MYO5B: variants seen among roughly 807,000 people sequenced by gnomAD.
MYO5B encodes myosin VB, also known as unconventional myosin-Vb.
A neutral mutation model predicts 229.3 loss-of-function variants in MYO5B; 143 were observed. The observed-to-expected ratio is 0.62, with a 90% CI of 0.54 to 0.72. MYO5B has a LOEUF of 0.72. MYO5B is among the 30% of genes least tolerant of loss of function. MYO5B has a pLI of 0.00. For synonymous variants in MYO5B, 918 were observed against 885.2 expected (o/e 1.04, Z -0.66); for missense variants, 2,321 against 2,331.0 (o/e 1.00, Z 0.09).
intron 27 of MYO5B, among the ~76,000 whole-genome samples, chr18:49,865,637 C>T (rs2024387292): frequency 6.6e-6 from 1 of 152,144 alleles, no homozygotes; most frequent in East Asian, 1.9e-4. Context: ...ACCTTAGCCT[C>T]CTCAGGTGTG....
chr18:49,917,803 A>C (rs1214718142), intron 17 of MYO5B, among the ~76,000 whole-genome samples: 2 of 152,138 alleles, frequency 1.3e-5, no homozygotes, highest in Non-Finnish European at 2.9e-5. Context: ...TCTGGACTTC[A>C]GTGGTGTGCT....
At chr18:50,077,375 G>C (rs2031108717) in intron 1 of MYO5B, among the ~76,000 whole-genome samples, 1 of 151,936 alleles carries the variant, frequency 6.6e-6, no homozygotes, top group Non-Finnish European at 1.5e-5. Context: ...TTACAACTCG[G>C]AAGTCCCTTT....
chr18:50,061,131 A>G (rs567786123), intron 1 of MYO5B, among the ~76,000 whole-genome samples: 1 of 152,326 alleles, frequency 6.6e-6, no homozygotes, highest in South Asian at 2.1e-4. Context: ...TTATCCATAT[A>G]TATGAATTAT....
At chr18:50,075,383 T>C (rs902722086) in intron 1 of MYO5B, among the ~76,000 whole-genome samples, 1 of 152,198 alleles carries the variant, frequency 6.6e-6, no homozygotes, top group Admixed American at 6.5e-5. Flanking sequence ...GAGTATACCA[T>C]GAATTCCATG....
chr18:50,087,584 A>C (rs2031358403), intron 1 of MYO5B, among the ~76,000 whole-genome samples: 1 of 151,842 alleles, frequency 6.6e-6, no homozygotes. Flanking sequence ...AAAAAAAAAA[A>C]AAAAAGAATA....
intron 1 of MYO5B, among the ~76,000 whole-genome samples, chr18:50,110,337 A>G (rs1036914349): frequency 6.6e-6 from 1 of 152,146 alleles, no homozygotes; most frequent in African/African-American, 2.4e-5. Flanking sequence ...ACCATGAGAT[A>G]AGCTCTCTGT....
chr18:50,148,393 T>A (rs1186713044), intron 1 of MYO5B, among the ~76,000 whole-genome samples: 1 of 151,496 alleles, frequency 6.6e-6, no homozygotes, highest in East Asian at 1.9e-4. Flanking sequence ...AAAGAGAATT[T>A]TAGACCAATA....
intron 14 of MYO5B, among the ~76,000 whole-genome samples, chr18:49,942,455 A>C (rs943104777): frequency 1.7e-4 from 26 of 150,186 alleles, no homozygotes; most frequent in Admixed American, 6.6e-4. Context: ...AAATTTTTGC[A>C]ATCTACTCAT....
Position 49,826,174 on chromosome 18 carries a change from T to G in MYO5B, c.*297A>C, listed in dbSNP as rs770108214. On this transcript the variant is annotated 3_prime_UTR_variant, in exon 40 of 40. Coordinates refer to ENST00000285039, the MANE Select transcript of MYO5B (RefSeq NM_001080467.3). ...AACTAGGCAGCTTCGTTTTATAGAA[T>G]TGACACCTTTTATATGTCTATGGGG... 7.7e-6 allele frequency: 3 copies of G among 388,528 alleles called. No homozygotes were observed. Among genetic ancestry groups the G allele is most frequent in the East Asian group, 5.6e-5 (1 of 17,722 alleles). The allele number at this position is 388,528 out of a possible 1,614,324, so 24.1% of individuals were successfully genotyped here.
rs112386199 is a variant in MYO5B at position 50,111,841 on chromosome 18, C to A, written c.28-56463G>T. On this transcript the variant is annotated intron_variant, in intron 1 of 39. Transcript: ENST00000285039. ...TTCTGAAGACTCTGCCTCTTATCAA[C>A]TCATCCCCTCTTCCTATAAGGCACC... 9.9e-3 allele frequency among the ~76,000 whole-genome samples: 1,510 copies of A among 152,320 alleles called. 28 individuals carry two copies. The highest frequency in any genetic ancestry group is 0.034 in the African/African-American group (1,395 of 41,552).
Position 49,863,347 on chromosome 18 carries a change from A to C in MYO5B, c.3844-20T>G. On this transcript the variant is annotated intron_variant, in intron 28 of 39. Coordinates refer to ENST00000285039, the MANE Select transcript of MYO5B (RefSeq NM_001080467.3). The stretch of plus-strand genomic sequence containing the variant: ...CGGCTCCTAGAAAGCCCCAGATAAA[A>C]AAATAACTCTGGTTAAACAATTGCC... 1.2e-6 allele frequency: 2 copies of C among 1,606,404 alleles called. No individual in the cohort carries two copies. The highest frequency in any genetic ancestry group is 1.7e-6 in the Non-Finnish European group (2 of 1,173,498).
chr18:49,901,345 T>C (rs1244436270), intron 21 of MYO5B, among the ~76,000 whole-genome samples: 1 of 152,218 alleles, frequency 6.6e-6, no homozygotes, highest in East Asian at 1.9e-4. Flanking sequence ...GCCTCGTCTA[T>C]TCCATTAGAC....
intron 27 of MYO5B, among the ~76,000 whole-genome samples, chr18:49,867,376 C>T (rs550667876): frequency 1.4e-4 from 22 of 152,128 alleles, no homozygotes; most frequent in Admixed American, 9.8e-4. Flanking sequence ...GTCCCCACGG[C>T]GCAGTGAGCA....
intron 14 of MYO5B, among the ~76,000 whole-genome samples, chr18:49,941,437 G>C (rs972937753): frequency 6.6e-6 from 1 of 152,146 alleles, no homozygotes; most frequent in Non-Finnish European, 1.5e-5. Context: ...TCAAATCCCT[G>C]CTTGAGGGCA....
chr18:50,015,510 C>T (rs2026206865), intron 4 of MYO5B, among the ~76,000 whole-genome samples: 1 of 152,104 alleles, frequency 6.6e-6, no homozygotes, highest in Non-Finnish European at 1.5e-5. Flanking sequence ...TGTAAAATCC[C>T]AAAAGGTGAA....
chr18:50,006,805 T>G (rs1362764337), intron 4 of MYO5B, among the ~76,000 whole-genome samples: 1 of 152,188 alleles, frequency 6.6e-6, no homozygotes, highest in African/African-American at 2.4e-5. Context: ...AGGAGAGGCC[T>G]GCTGATCAGC....
At chr18:49,910,592 G>A (rs1234185728) in intron 18 of MYO5B, among the ~76,000 whole-genome samples, 1 of 151,824 alleles carries the variant, frequency 6.6e-6, no homozygotes, top group Non-Finnish European at 1.5e-5. Context: ...AGATGGCATG[G>A]CAAGGTGGGC....
At chr18:50,011,943 G>C (rs2026165046) in intron 4 of MYO5B, among the ~76,000 whole-genome samples, 1 of 152,090 alleles carries the variant, frequency 6.6e-6, no homozygotes, top group Non-Finnish European at 1.5e-5. Flanking sequence ...CCAAGCAGAG[G>C]TGCCAGGCTG....
At chr18:50,097,052 G>T (rs2031565650) in intron 1 of MYO5B, among the ~76,000 whole-genome samples, 1 of 152,222 alleles carries the variant, frequency 6.6e-6, no homozygotes, top group South Asian at 2.1e-4. Context: ...CCAGTGAAAT[G>T]ACTTCATTTC....
Sources: allele counts gnomAD v4.1 joint callset (sites outside exome capture counted in the v4.1 genomes callset), GRCh38; gene constraint gnomAD v4.1.1; transcripts MANE v1.5; gene names NCBI Gene and HGNC (gene_info 2026-07-23, HGNC 2026-07-21).